PCDH15: variants seen among roughly 807,000 people sequenced by gnomAD.
The protein encoded by PCDH15 is protocadherin-15.
Under a neutral mutation model 178.5 loss-of-function variants are expected in PCDH15, and 129 were observed. The observed-to-expected ratio is 0.72, with a 90% CI of 0.63 to 0.84. PCDH15 has a LOEUF of 0.84. PCDH15 is among the 40% of genes least tolerant of loss of function. PCDH15 has a pLI of 0.00. For synonymous variants in PCDH15, 800 were observed against 732.0 expected (o/e 1.09, Z -1.50); for missense variants, 2,230 against 2,099.9 (o/e 1.06, Z -1.21).
At position 54,361,853 on chromosome 10, in the gene PCDH15, C is replaced by T. The variant is rs16906025; in HGVS notation, c.474+7267G>A. 7.5e-3 allele frequency among the ~76,000 whole-genome samples: 1,146 copies of T among 152,050 alleles called. 14 individuals are homozygous for T. Among genetic ancestry groups the T allele is most frequent in the African/African-American group, 0.026 (1,084 of 41,512 alleles). On this transcript the variant is annotated intron_variant, in intron 5 of 37. Transcript: ENST00000644397. ...TGGAATTTTCTCTATGTACTCAAGC[C>T]CTATCAGTCTCTTGCCTAATGTATG...
chr10:54,140,337 G>T (rs185691401), intron 14 of PCDH15, among the ~76,000 whole-genome samples: 5 of 152,160 alleles, frequency 3.3e-5, no homozygotes, highest in South Asian at 2.1e-4. Flanking sequence ...TGGACTTAAA[G>T]ACAGTAAATA....
At chr10:55,252,187 T>G (rs1841855296) in intron 1 of PCDH15, among the ~76,000 whole-genome samples, 1 of 152,160 alleles carries the variant, frequency 6.6e-6, no homozygotes, top group Admixed American at 6.5e-5. Context: ...CTCCTGTGAC[T>G]AATGAGCCTT....
intron 4 of PCDH15, among the ~76,000 whole-genome samples, chr10:54,376,122 T>C (rs970696228): frequency 2.6e-5 from 4 of 151,376 alleles, no homozygotes; most frequent in Non-Finnish European, 5.9e-5. Context: ...CTTGAACTCC[T>C]GACCTCAAGT....
At chr10:55,280,711 C>G (rs1842712006) in intron 1 of PCDH15, among the ~76,000 whole-genome samples, 1 of 151,972 alleles carries the variant, frequency 6.6e-6, no homozygotes, top group South Asian at 2.1e-4. Context: ...TAGATAGAGT[C>G]TAGTAAACCG....
intron 3 of PCDH15, among the ~76,000 whole-genome samples, chr10:54,811,927 T>C (rs1278476929): frequency 6.6e-6 from 1 of 152,192 alleles, no homozygotes; most frequent in African/African-American, 2.4e-5. Context: ...TTATTTTTCA[T>C]TTTTTAAAAC....
chr10:54,052,005 G>A (rs1006718444), intron 18 of PCDH15, among the ~76,000 whole-genome samples: 3 of 152,224 alleles, frequency 2.0e-5, no homozygotes, highest in Non-Finnish European at 4.4e-5. Flanking sequence ...TCCTGTGGGT[G>A]CACAGAAGTC....
At chr10:54,240,783 C>G (rs2055194647) in intron 8 of PCDH15, among the ~76,000 whole-genome samples, 2 of 151,774 alleles carry the variant, frequency 1.3e-5, no homozygotes, top group Non-Finnish European at 2.9e-5. Context: ...AGGCGCCCGC[C>G]ACCACGCCCG....
At chr10:54,043,562 A>G (rs11598118) in intron 18 of PCDH15, among the ~76,000 whole-genome samples, 26,257 of 150,416 alleles carry the variant, frequency 0.17, 2,628 homozygotes, top group Non-Finnish European at 0.24. Context: ...TAATTTTTGT[A>G]TTTTTTTGTA....
At chr10:54,168,974 C>T (rs1249756719) in intron 13 of PCDH15, among the ~76,000 whole-genome samples, 1 of 152,144 alleles carries the variant, frequency 6.6e-6, no homozygotes, top group Non-Finnish European at 1.5e-5. Context: ...TTCCAAATGC[C>T]TGAACCGCAG....
At chr10:53,893,446 T>C (rs2081724242) in intron 26 of PCDH15, among the ~76,000 whole-genome samples, 1 of 152,052 alleles carries the variant, frequency 6.6e-6, no homozygotes, top group South Asian at 2.1e-4. Flanking sequence ...TATGTAAAAA[T>C]AAATAAATAA....
At chr10:55,436,425 C>T (rs1260077677) in intron 2 of PCDH15, among the ~76,000 whole-genome samples, 1 of 151,960 alleles carries the variant, frequency 6.6e-6, no homozygotes, top group African/African-American at 2.4e-5. Context: ...ACATTTTAAA[C>T]ATTATGACAT....
At position 54,871,072 on chromosome 10, in the gene PCDH15, T is replaced by G. The variant is rs538264510; in HGVS notation, c.-29+26378A>C. ...ACCAGTGCTGCATTAGAATTCTGTG[T>G]GGAACTTTAAAAATCCACATCTGTC... On this transcript the variant is annotated intron_variant, in intron 3 of 5. Transcript: ENST00000458638. 7.9e-5 allele frequency among the ~76,000 whole-genome samples: 12 copies of G among 152,310 alleles called. No individual in the cohort carries two copies. In the East Asian group the frequency reaches 2.1e-3, roughly 27 times the overall value.
intron 3 of PCDH15, among the ~76,000 whole-genome samples, chr10:54,446,441 C>G (rs2076145585): frequency 6.6e-6 from 1 of 151,620 alleles, no homozygotes; most frequent in South Asian, 2.1e-4. Flanking sequence ...AAAAGTACTA[C>G]TGTTGATTCG....
chr10:55,119,083 C>G (rs1256176432), intron 2 of PCDH15, among the ~76,000 whole-genome samples: 1 of 152,148 alleles, frequency 6.6e-6, no homozygotes, highest in Non-Finnish European at 1.5e-5. Flanking sequence ...CTTTGCTTCA[C>G]CAGCTGCCTC....
intron 17 of PCDH15, among the ~76,000 whole-genome samples, chr10:54,075,848 G>A (rs192773935): frequency 6.6e-6 from 1 of 152,164 alleles, no homozygotes; most frequent in East Asian, 1.9e-4. Context: ...TTTGAGTATT[G>A]TAGCTTTGTA....
chr10:53,825,147 T>C, intron 32 of PCDH15: 2 of 1,539,768 alleles, frequency 1.3e-6, no homozygotes. Flanking sequence ...TATGCCTATG[T>C]ATCCACAGGT....
rs200173312 is a variant in PCDH15 at position 54,007,547 on chromosome 10, GA to G, written c.2752-11783del. Among the ~76,000 whole-genome samples the G allele has an allele frequency of 3.5e-3, 528 of 152,074 alleles. 2 individuals are homozygous for G. Among genetic ancestry groups the G allele is most frequent in the African/African-American group, 0.012 (502 of 41,512 alleles). ...TTGATGTTCTATAAAATCTTTTCAAGAAAAAATGTATGTTATTTGTTTGATC... is the reference window on the plus strand; with the variant it reads ...TTGATGTTCTATAAAATCTTTTCAAGAAAAATGTATGTTATTTGTTTGATC... On this transcript the variant is annotated intron_variant, in intron 20 of 37. Transcript: ENST00000644397.
intron 2 of PCDH15, among the ~76,000 whole-genome samples, chr10:54,934,352 A>G (rs939486285): frequency 3.3e-5 from 5 of 152,302 alleles, no homozygotes; most frequent in African/African-American, 2.4e-5. Flanking sequence ...TAATAGTTAT[A>G]TATAATTTGG....
chr10:55,603,779 G>A (rs867837431), intron 2 of PCDH15, among the ~76,000 whole-genome samples: 8,368 of 142,120 alleles, frequency 0.059, 285 homozygotes, highest in Non-Finnish European at 0.094. Context: ...GGTACCAGCC[G>A]CTGCAAAATC....
Sources: gnomAD v4.1 joint callset for allele counts (sites outside exome capture counted in the v4.1 genomes callset) on GRCh38, gnomAD v4.1.1 for gene constraint, MANE v1.5 for transcripts, NCBI Gene and HGNC (gene_info 2026-07-23, HGNC 2026-07-21) for gene names.